The following CD302 variants were observed in gnomAD, a reference collection of about 807,000 sequenced individuals.
CD302 encodes the protein CD302 molecule, also known as CD302 antigen.
In CD302, 23 loss-of-function variants were observed where a neutral mutation model predicts 26.5. That is an observed-to-expected ratio of 0.87 (90% confidence interval 0.62 to 1.23). CD302 has a LOEUF of 1.23. CD302 is among the 50% of genes most tolerant of loss of function. The pLI, the probability that CD302 is intolerant of heterozygous loss-of-function variation, is 0.00. For missense variants in CD302, 290 were observed against 275.5 expected, an observed-to-expected ratio of 1.05 and a Z score of -0.37; for synonymous variants, 90 against 99.4, an observed-to-expected ratio of 0.91 and a Z score of 0.56.
Position 159,780,004 on chromosome 2 carries a change from C to T in CD302, c.469+1G>A, listed in dbSNP as rs779942367. On this transcript the variant is annotated splice_donor_variant, in intron 4 of 5. Coordinates refer to ENST00000259053, the MANE Select transcript of CD302 (RefSeq NM_014880.5). LOFTEE classifies it high-confidence loss of function. ...GGAAAAACACCTTCGGTCATACTTA[C>T]TAGCTGTTTTGCATAGTGTTCCTTC... The T allele has an allele frequency of 2.1e-5, 34 of 1,611,784 alleles. No homozygotes were observed. The highest frequency in any genetic ancestry group is 2.8e-5 in the Non-Finnish European group (33 of 1,178,790).
chr2:159,775,697 C>T (rs1239122158), intron 5 of CD302, among the ~76,000 whole-genome samples: 1 of 152,152 alleles, frequency 6.6e-6, no homozygotes, highest in Non-Finnish European at 1.5e-5. Flanking sequence ...ACATTCACTT[C>T]GTTGTGCTAC....
chr2:159,774,559 C>CAA (rs1708254481), intron 5 of CD302, among the ~76,000 whole-genome samples: 2 of 152,164 alleles, frequency 1.3e-5, no homozygotes, highest in Admixed American at 1.3e-4. Flanking sequence ...ATGACTTGCC[C>CAA]AAGTCCATTT....
chr2:159,797,180 A>G (rs1308173906), intron 1 of CD302, among the ~76,000 whole-genome samples: 2 of 120,040 alleles, frequency 1.7e-5, no homozygotes, highest in Non-Finnish European at 3.2e-5. Flanking sequence ...GACTTCGAGC[A>G]GGCAGTTATT....
chr2:159,795,524 A>G lies in CD302; in HGVS notation c.67+2608T>C, dbSNP rs112812454. Among the ~76,000 whole-genome samples, 645 of 152,350 alleles carry G rather than the reference A, an allele frequency of 4.2e-3. 3 individuals carry two copies. Among genetic ancestry groups the G allele is most frequent in the African/African-American group, 0.014 (589 of 41,574 alleles). On this transcript the variant is annotated intron_variant, in intron 1 of 5. Coordinates refer to ENST00000259053, the MANE Select transcript of CD302 (RefSeq NM_014880.5). ...AGCAACAAGCAAGACAGATGAATAA[A>G]CACAATGCATTCAGAAAGGCTTGGA...
At chr2:159,786,998 CT>C (rs1335777165) in intron 1 of CD302, among the ~76,000 whole-genome samples, 13 of 152,142 alleles carry the variant, frequency 8.5e-5, no homozygotes, top group African/African-American at 3.1e-4. Context: ...TGTCTGGCTT[CT>C]TTTGATAAAT....
chr2:159,784,058 A>G (rs545932719), intron 1 of CD302, among the ~76,000 whole-genome samples: 1 of 152,300 alleles, frequency 6.6e-6, no homozygotes, highest in South Asian at 2.1e-4. Flanking sequence ...CTCTTCCTCT[A>G]CTGCTCTAAA....
intron 2 of CD302, among the ~76,000 whole-genome samples, chr2:159,782,442 C>T (rs1004085831): frequency 7.2e-5 from 8 of 110,828 alleles, no homozygotes; most frequent in Non-Finnish European, 1.3e-4. Flanking sequence ...AAAAAAAAGA[C>T]ATTTTTTTGG....
At chr2:159,779,903 TTATTC>T (rs2125800300) in intron 4 of CD302, 97 bp downstream of exon 4, 1 of 1,391,116 alleles carries the variant, frequency 7.2e-7, no homozygotes, top group African/African-American at 1.4e-5. Context: ...GTGCCTAGCC[TTATTC>T]TATTTATTGA....
Position 159,798,192 on chromosome 2 carries a change from G to A in CD302, c.7C>T (p.Arg3Trp), listed in dbSNP as rs747230826. 7.6e-6 allele frequency: 11 copies of A among 1,452,430 alleles called. No individual in the cohort carries two copies. Among genetic ancestry groups the A allele is most frequent in the Admixed American group, 2.5e-5 (1 of 39,464 alleles). The allele number at this position is 1,452,430 out of a possible 1,614,324, so 90.0% of individuals were successfully genotyped here. A position where few individuals can be genotyped will look rare whatever the true frequency, so the allele number is the denominator to read the frequency against. Residue 3 changes from arginine (R) to tryptophan (W), a missense_variant, in exon 1 of 6, where the codon CGG (arginine) becomes TGG (tryptophan). Arg to Trp is a moderately radical substitution (Grantham distance 101). Transcript: ENST00000259053. ML[R>W]AALPALLLPL... ...AGCAGGAGCGCGGGCAGCGCGGCCC[G>A]GAGCATGACGGCGGGTGCGGGTGGG... is the stretch of plus-strand genomic sequence containing the variant.
intron 1 of CD302, among the ~76,000 whole-genome samples, chr2:159,794,439 AAAG>A (rs1199207168): frequency 6.6e-6 from 1 of 151,454 alleles, no homozygotes; most frequent in Non-Finnish European, 1.5e-5. Flanking sequence ...CTCAACAGTA[AAAG>A]AAGTCCTGAA....
At chr2:159,787,254 A>C (rs921756518) in intron 1 of CD302, among the ~76,000 whole-genome samples, 6 of 152,136 alleles carry the variant, frequency 3.9e-5, no homozygotes, top group African/African-American at 1.4e-4. Context: ...AGCAGCAAGT[A>C]GTTTTTTTTT....
chr2:159,777,003 T>C (rs2125796119), intron 5 of CD302, among the ~76,000 whole-genome samples: 1 of 151,858 alleles, frequency 6.6e-6, no homozygotes, highest in East Asian at 1.9e-4. Context: ...ACGCCTGTAA[T>C]CTCAGCACTT....
chr2:159,787,264 T>A (rs114294773), intron 1 of CD302, among the ~76,000 whole-genome samples: 3,093 of 152,298 alleles, frequency 0.02, 63 homozygotes, highest in Non-Finnish European at 0.026. Flanking sequence ...AGTTTTTTTT[T>A]AAATCCAGCT....
chr2:159,789,558 G>GTT (rs5835764), intron 1 of CD302, among the ~76,000 whole-genome samples: 28 of 147,164 alleles, frequency 1.9e-4, no homozygotes, highest in Admixed American at 1.4e-3. Context: ...CCTTAGGCCT[G>GTT]TTTTTTTTTT....
rs1708486895 is a variant in CD302, at chr2:159,780,933, G to C, written c.244C>G (p.Gln82Glu). The C allele has an allele frequency of 6.2e-7, 1 of 1,613,176 alleles. No homozygotes were observed. The highest frequency in any genetic ancestry group is 1.7e-5 in the Admixed American group (1 of 59,896). Reference protein sequence around the residue: ...NAFILDTLKKQWKGPDDILLG... With the variant: ...NAFILDTLKKEWKGPDDILLG... ...AGGATATCATCTGGGCCTTTCCATTGCTTTTTCAAAGTATCCAGTATAAAA... is the reference window on the plus strand; with the variant it reads ...AGGATATCATCTGGGCCTTTCCATTCCTTTTTCAAAGTATCCAGTATAAAA... The change falls in exon 3 of 6, where the codon CAA (glutamine) becomes GAA (glutamate). Residue 82 changes from glutamine (Q) to glutamate (E), a missense_variant. Coordinates refer to ENST00000259053, the MANE Select transcript of CD302 (RefSeq NM_014880.5).
chr2:159,784,212 G>T (rs1481532212), intron 1 of CD302, among the ~76,000 whole-genome samples: 2 of 152,058 alleles, frequency 1.3e-5, no homozygotes, highest in Admixed American at 6.6e-5. Flanking sequence ...AATGGAAAGA[G>T]AATTTTACTT....
intron 5 of CD302, among the ~76,000 whole-genome samples, chr2:159,773,756 G>A (rs545997882): frequency 3.9e-5 from 6 of 152,058 alleles, no homozygotes; most frequent in Non-Finnish European, 8.8e-5. Context: ...CTGGAGGTTA[G>A]GATAGTTTTA....
intron 5 of CD302, among the ~76,000 whole-genome samples, chr2:159,774,411 C>T (rs3771720): frequency 0.85 from 128,600 of 152,184 alleles, 54,526 homozygotes; most frequent in Middle Eastern, 0.94. Context: ...GCTACCTTAA[C>T]GCTCTAGTTC....
intron 5 of CD302, among the ~76,000 whole-genome samples, chr2:159,773,191 T>A (rs920543247): frequency 6.6e-6 from 1 of 152,214 alleles, no homozygotes; most frequent in Non-Finnish European, 1.5e-5. Context: ...AATTTTTGTA[T>A]TTTTAGTAGA....
Sources: gnomAD v4.1 joint callset for allele counts (sites outside exome capture counted in the v4.1 genomes callset) on GRCh38, gnomAD v4.1.1 for gene constraint, MANE v1.5 for transcripts, NCBI Gene and HGNC (gene_info 2026-07-23, HGNC 2026-07-21) for gene names.